CDK7: variants seen among roughly 807,000 people sequenced by gnomAD.
The protein encoded by CDK7 is cyclin-dependent kinase 7.
Under a neutral mutation model 49.1 loss-of-function variants are expected in CDK7, and 25 were observed. That is an observed-to-expected ratio of 0.51 (90% CI 0.37 to 0.71). The LOEUF (loss-of-function observed/expected upper bound fraction) is 0.71. Ranked by LOEUF, CDK7 falls within the 30% of genes least tolerant of loss-of-function variation. The pLI is 0.00. For synonymous variants in CDK7, 107 were observed against 140.0 expected (o/e 0.76, Z 1.67); for missense variants, 316 against 411.7 (o/e 0.77, Z 2.01).
At chr5:69,235,242 C>A (rs1748880030) in intron 1 of CDK7, 152 bp from the exon 2 acceptor site, 2 of 769,184 alleles carry the variant, frequency 2.6e-6, no homozygotes, top group Admixed American at 2.4e-5. Context: ...TGAAGAGTAG[C>A]CTGGAGCTGG....
At chr5:69,257,936 G>A (rs1750587072) in intron 5 of CDK7, 107 bp from the exon 6 acceptor site, 2 of 680,882 alleles carry the variant, frequency 2.9e-6, no homozygotes, top group East Asian at 2.9e-5. Flanking sequence ...CCTCTTTTGA[G>A]AGTCTCCTGT....
At chr5:69,235,231 C>A (rs1008631019) in intron 1 of CDK7, 163 bp from the exon 2 acceptor site, 1 of 759,832 alleles carries the variant, frequency 1.3e-6, no homozygotes, top group Non-Finnish European at 2.3e-6. Context: ...CCTCTCCTTG[C>A]TGAAGAGTAG....
rs1750355677 is a variant in CDK7, at chr5:69,254,487, ACT to A, written c.161-112_161-111del. 10 of 575,154 alleles carry A rather than the reference ACT, an allele frequency of 1.7e-5. No homozygotes were observed. In the East Asian group the frequency reaches 2.9e-4, roughly 17 times the overall value. The allele number at this position is 575,154 out of a possible 1,614,324, so 35.6% of individuals were successfully genotyped here. A position where few individuals can be genotyped will look rare whatever the true frequency, so the allele number is the denominator to read the frequency against. The stretch of plus-strand genomic sequence containing the variant: ...CAGTGAGCCGAGATCACGCCACTAC[ACT>A]CTAGCCTGGGCGACAGAGCGAGACT... On this transcript the variant is annotated intron_variant, in intron 3 of 11. Coordinates refer to ENST00000256443, the MANE Select transcript of CDK7 (RefSeq NM_001799.4).
chr5:69,236,682 T>G (rs1748998890), intron 2 of CDK7, among the ~76,000 whole-genome samples: 1 of 151,912 alleles, frequency 6.6e-6, no homozygotes, highest in African/African-American at 2.4e-5. Context: ...AGACAGAATT[T>G]TGCTTGTTGC....
chr5:69,277,147 GACA>G lies in CDK7; in HGVS notation c.*16_*18del, dbSNP rs1446391648. ...AACTAATTTTTTAAAGAGAACACTGGACAACATTTTACTACTGAGGGAAATAGC... is the reference window on the plus strand; with the variant it reads ...AACTAATTTTTTAAAGAGAACACTGGACATTTTACTACTGAGGGAAATAGC... On this transcript the variant is annotated 3_prime_UTR_variant, in exon 12 of 12. Coordinates refer to ENST00000256443, the MANE Select transcript of CDK7 (RefSeq NM_001799.4). 6.3e-7 allele frequency: 1 copy of G among 1,591,594 alleles called. No individual in the cohort carries two copies. The highest frequency in any genetic ancestry group is 1.4e-5 in the African/African-American group (1 of 74,066).
intron 2 of CDK7, among the ~76,000 whole-genome samples, chr5:69,240,112 A>G (rs1365631114): frequency 6.6e-6 from 1 of 152,142 alleles, no homozygotes; most frequent in Non-Finnish European, 1.5e-5. Flanking sequence ...TGCAATACCA[A>G]GTTCCAGTAT....
chr5:69,270,352 G>A (rs1178277012), intron 9 of CDK7, among the ~76,000 whole-genome samples: 3 of 152,172 alleles, frequency 2.0e-5, no homozygotes, highest in Admixed American at 2.0e-4. Context: ...GGCTGAGGTA[G>A]GAGGATTGCT....
In CDK7 at chr5:69,262,369, A is replaced by G. The variant is rs563554562; in HGVS notation, c.627+65A>G. On this transcript the variant is annotated intron_variant, in intron 8 of 11. Transcript: ENST00000256443. ...GCAGTTATTTGTTCTGACAGTTTGT[A>G]TAAGAATTCTTGTCCTAGGCCAGGC... The G allele has an allele frequency of 4.4e-4, 713 of 1,609,212 alleles. 2 individuals carry two copies. Among genetic ancestry groups the G allele is most frequent in the Non-Finnish European group, 5.7e-4 (675 of 1,176,336 alleles).
At chr5:69,252,311 GTT>G in intron 2 of CDK7, 105 bp from the exon 3 acceptor site, 3 of 710,170 alleles carry the variant, frequency 4.2e-6, no homozygotes, top group African/African-American at 1.9e-5. Context: ...GTTGCTAATT[GTT>G]TTTTTTTCTG....
intron 8 of CDK7, among the ~76,000 whole-genome samples, chr5:69,265,002 G>A (rs1051969989): frequency 2.0e-5 from 3 of 151,494 alleles, no homozygotes; most frequent in East Asian, 1.9e-4. Flanking sequence ...GGTGGCTCAC[G>A]CCTGCAATCC....
In CDK7 at chr5:69,260,032, G is replaced by T. The variant is rs1011089996; in HGVS notation, c.527+96G>T. ...ATCTTGGCAGAGTTAAGGAATCATTGTTGATAGATACCGTCTTAAAAAATA... is the reference window on the plus strand; with the variant it reads ...ATCTTGGCAGAGTTAAGGAATCATTTTTGATAGATACCGTCTTAAAAAATA... On this transcript the variant is annotated intron_variant, in intron 7 of 11. Coordinates refer to ENST00000256443, the MANE Select transcript of CDK7 (RefSeq NM_001799.4). The T allele has an allele frequency of 2.1e-5, 16 of 776,840 alleles. No homozygotes were observed. The African/African-American group carries it at 2.3e-4, about 11-fold the overall frequency. The allele number at this position is 776,840 out of a possible 1,614,324, so 48.1% of individuals were successfully genotyped here.
chr5:69,251,591 G>C (rs893920064), intron 2 of CDK7, among the ~76,000 whole-genome samples: 5 of 152,064 alleles, frequency 3.3e-5, no homozygotes, highest in African/African-American at 1.2e-4. Context: ...CTAGGCTGGA[G>C]TACAGCAGTG....
intron 2 of CDK7, among the ~76,000 whole-genome samples, chr5:69,248,846 C>G (rs1166887531): frequency 7.3e-6 from 1 of 136,756 alleles, no homozygotes; most frequent in Non-Finnish European, 1.5e-5. Context: ...TTTTCTTGCC[C>G]AGGCTGGAGT....
At chr5:69,235,655 A>G (rs1455261077) in intron 2 of CDK7, among the ~76,000 whole-genome samples, 1 of 152,232 alleles carries the variant, frequency 6.6e-6, no homozygotes, top group African/African-American at 2.4e-5. Context: ...ATTGAAATGA[A>G]GAAGAAGCTG....
At chr5:69,258,194 T>C in intron 6 of CDK7, 41 bp downstream of exon 6, 1 of 857,404 alleles carries the variant, frequency 1.2e-6, no homozygotes, top group East Asian at 2.7e-5. Context: ...AGTCAAGTTT[T>C]ATATAGCCAA....
intron 2 of CDK7, among the ~76,000 whole-genome samples, chr5:69,238,258 T>C (rs1046972645): frequency 6.6e-6 from 1 of 151,508 alleles, no homozygotes; most frequent in African/African-American, 2.4e-5. Flanking sequence ...CTCAAAACAA[T>C]ATATAGTATT....
In CDK7 at chr5:69,277,075, C is replaced by CT. The variant is rs199570737; in HGVS notation, c.1013-22dup. 6.6e-3 allele frequency: 9,132 copies of CT among 1,388,122 alleles called. 10 individuals are homozygous for CT. Among genetic ancestry groups the CT allele is most frequent in the East Asian group, 0.034 (1,311 of 38,904 alleles). The allele number at this position is 1,388,122 out of a possible 1,614,324, so 86.0% of individuals were successfully genotyped here. ...TGTGAACTTTGTTAAATGTGAACAA[C>CT]TTTTTTTTTTCTTGTTCTTTTTGCT... On this transcript the variant is annotated intron_variant, in intron 11 of 11. Coordinates refer to ENST00000256443, the MANE Select transcript of CDK7 (RefSeq NM_001799.4).
intron 5 of CDK7, among the ~76,000 whole-genome samples, chr5:69,257,480 C>T (rs1467065394): frequency 6.6e-6 from 1 of 152,148 alleles, no homozygotes; most frequent in East Asian, 1.9e-4. Flanking sequence ...TTCATGTGTA[C>T]AGTTCTCAAT....
chr5:69,244,302 A>G (rs1320260951), intron 2 of CDK7, among the ~76,000 whole-genome samples: 1 of 152,142 alleles, frequency 6.6e-6, no homozygotes, highest in Non-Finnish European at 1.5e-5. Flanking sequence ...GTATCCTGCA[A>G]CTTTTGTGAA....
Sources: allele counts gnomAD v4.1 joint callset (sites outside exome capture counted in the v4.1 genomes callset), GRCh38; gene constraint gnomAD v4.1.1; transcripts MANE v1.5; gene names NCBI Gene and HGNC (gene_info 2026-07-23, HGNC 2026-07-21).